INPP5D: variants seen among roughly 807,000 people sequenced by gnomAD.
INPP5D encodes the protein inositol polyphosphate-5-phosphatase D, also known as phosphatidylinositol 3,4,5-trisphosphate 5-phosphatase 1.
A neutral mutation model predicts 122.9 loss-of-function variants in INPP5D; 33 were observed. The observed-to-expected ratio is 0.27, with a 90% CI of 0.20 to 0.36. INPP5D has a LOEUF of 0.36. Among genes scored for constraint, INPP5D ranks in the 10% least tolerant of loss-of-function variants. The pLI is 1.00. For synonymous variants in INPP5D, 584 were observed against 576.2 expected (o/e 1.01, Z -0.19); for missense variants, 1,053 against 1,412.7 (o/e 0.75, Z 4.08).
chr2:233,137,907 C>CAA, intron 5 of INPP5D, among the ~76,000 whole-genome samples: 1 of 70,804 alleles, frequency 1.4e-5, no homozygotes, highest in African/African-American at 4.4e-5. Flanking sequence ...TACACACACA[C>CAA]ACACACATAC....
chr2:233,122,540 C>T (rs1053530796), intron 3 of INPP5D, among the ~76,000 whole-genome samples: 1 of 152,196 alleles, frequency 6.6e-6, no homozygotes, highest in Non-Finnish European at 1.5e-5. Context: ...TGCTGGCTCA[C>T]GCCTGTAACC....
At chr2:233,098,930 C>CTT (rs1692224629) in intron 2 of INPP5D, among the ~76,000 whole-genome samples, 1 of 57,896 alleles carries the variant, frequency 1.7e-5, no homozygotes, top group Non-Finnish European at 3.8e-5. Context: ...AGATTTGGAA[C>CTT]TTTATTTTTA....
At chr2:233,124,576 A>C (rs888631411) in intron 3 of INPP5D, among the ~76,000 whole-genome samples, 2 of 152,180 alleles carry the variant, frequency 1.3e-5, no homozygotes, top group Non-Finnish European at 2.9e-5. Flanking sequence ...TGTGAGCCCA[A>C]GGTCACTCAC....
At chr2:233,150,035 A>AG (rs1693882263) in intron 9 of INPP5D, among the ~76,000 whole-genome samples, 1 of 152,126 alleles carries the variant, frequency 6.6e-6, no homozygotes, top group Non-Finnish European at 1.5e-5. Flanking sequence ...CCCTGTGTAT[A>AG]GTGGCAAGTT....
At chr2:233,119,970 A>G (rs1692922583) in intron 2 of INPP5D, among the ~76,000 whole-genome samples, 1 of 152,238 alleles carries the variant, frequency 6.6e-6, no homozygotes, top group South Asian at 2.1e-4. Flanking sequence ...TTGGAGGCGG[A>G]AAGGCCAACG....
intron 17 of INPP5D, among the ~76,000 whole-genome samples, chr2:233,175,217 CAAAAAAAAAAAAA>C (rs1220185296): frequency 1.5e-5 from 1 of 68,616 alleles, no homozygotes; most frequent in African/African-American, 6.2e-5. Context: ...GACTCCATCT[CAAAAAAAAAAAAA>C]AAAAAAAAAA....
intron 1 of INPP5D, among the ~76,000 whole-genome samples, chr2:233,076,811 GT>G (rs1459717032): frequency 1.3e-5 from 2 of 152,170 alleles, no homozygotes; most frequent in Non-Finnish European, 2.9e-5. Flanking sequence ...ATTAAAGCAA[GT>G]TATCATTCTC....
intron 1 of INPP5D, among the ~76,000 whole-genome samples, chr2:233,075,185 G>T (rs1458162745): frequency 1.3e-5 from 2 of 152,126 alleles, no homozygotes; most frequent in Non-Finnish European, 2.9e-5. Flanking sequence ...CCTTCATTTG[G>T]GAATGGAACA....
In INPP5D at chr2:233,105,589, T is replaced by A. The variant is rs1692444747; in HGVS notation, c.199-16518T>A. 6.6e-6 allele frequency among the ~76,000 whole-genome samples: 1 copy of A among 152,030 alleles called. No individual in the cohort carries two copies. Among genetic ancestry groups the A allele is most frequent in the Non-Finnish European group, 1.5e-5 (1 of 68,006 alleles). On this transcript the variant is annotated intron_variant, in intron 2 of 26. Transcript: ENST00000445964. The surrounding 1 kb of genome is among the most constrained non-coding windows in gnomAD (Gnocchi z 4.0). The stretch of plus-strand genomic sequence containing the variant: ...GGCCTGGGTCTGTGTTGGTCCCTGA[T>A]GCCGGGGGCTGAGCCGGGGGGAAGA...
chr2:233,167,207 C>CAAAAAA (rs565735597), intron 13 of INPP5D, among the ~76,000 whole-genome samples: 1 of 102,160 alleles, frequency 9.8e-6, no homozygotes, highest in Non-Finnish European at 1.9e-5. Flanking sequence ...ACCATTTCTA[C>CAAAAAA]AAAAAAAAAA....
At chr2:233,138,089 C>T (rs926415120) in intron 5 of INPP5D, among the ~76,000 whole-genome samples, 3 of 149,032 alleles carry the variant, frequency 2.0e-5, no homozygotes, top group Non-Finnish European at 3.0e-5. Context: ...TGGTGGCTCA[C>T]GCCTCTAATC....
Position 233,170,431 on chromosome 2 carries a change from C to T in INPP5D, c.1792-65C>T, listed in dbSNP as rs540245242. 75 of 1,604,028 alleles carry T rather than the reference C, an allele frequency of 4.7e-5. 1 individual carries two copies. In the African/African-American group the frequency reaches 4.8e-4, roughly 10 times the overall value. On this transcript the variant is annotated intron_variant, in intron 15 of 26. Coordinates refer to ENST00000445964, the MANE Select transcript of INPP5D (RefSeq NM_001017915.3). The surrounding 1 kb of genome is among the most constrained non-coding windows in gnomAD (Gnocchi z 4.5). ...TCATCCAGCTGCCCGCCCCCAGCCC[C>T]GAAGCTTGTCAGGCCTGGATCAGCA...
chr2:233,112,267 C>T (rs963178498), intron 2 of INPP5D, among the ~76,000 whole-genome samples: 2 of 152,088 alleles, frequency 1.3e-5, no homozygotes, highest in African/African-American at 2.4e-5. Context: ...TTATTTATGT[C>T]AGTACAGACT....
chr2:233,089,080 G>C (rs1281717419), intron 2 of INPP5D, among the ~76,000 whole-genome samples: 2 of 152,132 alleles, frequency 1.3e-5, no homozygotes, highest in Admixed American at 6.5e-5. Context: ...CTGGGCATAC[G>C]TCACTGCTGC....
At chr2:233,131,362 A>C (rs991545144) in intron 5 of INPP5D, among the ~76,000 whole-genome samples, 2 of 152,156 alleles carry the variant, frequency 1.3e-5, no homozygotes, top group South Asian at 4.1e-4. Context: ...ATTCCAGAGC[A>C]TCTGAACAAA....
intron 6 of INPP5D, among the ~76,000 whole-genome samples, chr2:233,143,752 G>T (rs1344311301): frequency 2.0e-5 from 3 of 152,228 alleles, no homozygotes; most frequent in Admixed American, 1.3e-4. Flanking sequence ...GGTGTCTAAG[G>T]GTGGTAGTGA....
intron 2 of INPP5D, among the ~76,000 whole-genome samples, chr2:233,121,113 CTTTCTTTCT>C (rs1450392019): frequency 2.3e-5 from 3 of 131,232 alleles, no homozygotes; most frequent in African/African-American, 5.8e-5. Flanking sequence ...TTCTTTCTTT[CTTTCTTTCT>C]TTTTTTTTTT....
At chr2:233,106,299 A>C (rs751870051) in intron 2 of INPP5D, among the ~76,000 whole-genome samples, 38 of 152,212 alleles carry the variant, frequency 2.5e-4, no homozygotes, top group Non-Finnish European at 4.1e-4. Flanking sequence ...CAGGTTTCTA[A>C]TCATGTCCAG....
intron 2 of INPP5D, among the ~76,000 whole-genome samples, chr2:233,096,166 G>A (rs369521924): frequency 3.3e-5 from 5 of 152,268 alleles, no homozygotes; most frequent in South Asian, 2.1e-4. Flanking sequence ...GAAGGAATGC[G>A]TATATGATTG....
Sources: allele counts gnomAD v4.1 joint callset (sites outside exome capture counted in the v4.1 genomes callset), GRCh38; gene constraint gnomAD v4.1.1; non-coding constraint Gnocchi (gnomAD v3.1); transcripts MANE v1.5; gene names NCBI Gene and HGNC (gene_info 2026-07-23, HGNC 2026-07-21).